Variants in CERS6 observed in about 807,000 individuals in gnomAD.
The protein encoded by CERS6 is ceramide synthase 6.
CERS6 carries 26 observed loss-of-function variants against 56.8 expected under a neutral mutation model. The ratio of observed to expected loss-of-function variants is 0.46; its 90% CI spans 0.34 to 0.63. The LOEUF (loss-of-function observed/expected upper bound fraction) is 0.63. CERS6 is among the 30% of genes least tolerant of loss of function. CERS6 has a pLI of 0.01. For missense variants in CERS6, 415 were observed against 467.5 expected, an observed-to-expected ratio of 0.89 and a Z score of 1.04; for synonymous variants, 164 against 173.3, an observed-to-expected ratio of 0.95 and a Z score of 0.42.
At chr2:168,534,543 C>T (rs1219502419) in intron 1 of CERS6, among the ~76,000 whole-genome samples, 1 of 151,936 alleles carries the variant, frequency 6.6e-6, no homozygotes, top group Non-Finnish European at 1.5e-5. Context: ...CTGGCTCGCT[C>T]CCGCGTCGGG....
intron 4 of CERS6, among the ~76,000 whole-genome samples, chr2:168,671,598 G>C (rs780919790): frequency 4.6e-5 from 7 of 152,140 alleles, no homozygotes; most frequent in African/African-American, 7.2e-5. Context: ...ATTACAATGA[G>C]TGGATTTATT....
At chr2:168,761,723 G>T (rs1348102222) in intron 8 of CERS6, among the ~76,000 whole-genome samples, 1 of 152,022 alleles carries the variant, frequency 6.6e-6, no homozygotes, top group Non-Finnish European at 1.5e-5. Context: ...AAAAGTGTAA[G>T]GTGTGTGAGT....
At chr2:168,768,289 G>A (rs539041612) in intron 9 of CERS6, among the ~76,000 whole-genome samples, 1 of 151,560 alleles carries the variant, frequency 6.6e-6, no homozygotes, top group East Asian at 2.0e-4. Context: ...GAGTGCAATG[G>A]CGCGATCTTG....
In CERS6 at chr2:168,560,867, T is replaced by C. The variant is rs192118121; in HGVS notation, c.277-325T>C. Among the ~76,000 whole-genome samples the C allele has an allele frequency of 3.1e-3, 471 of 152,316 alleles. 1 individual carries two copies. Among genetic ancestry groups the C allele is most frequent in the Non-Finnish European group, 4.7e-3 (319 of 68,026 alleles). On this transcript the variant is annotated intron_variant, in intron 2 of 9. Coordinates refer to ENST00000305747, the MANE Select transcript of CERS6 (RefSeq NM_203463.3). ...TGGACTCCCTTCCTTTGAAGGCTGA[T>C]GAGGCTGACTCAGTTTGTTGGATGT...
chr2:168,466,024 T>TA (rs1574000843), intron 1 of CERS6, among the ~76,000 whole-genome samples: 1 of 151,312 alleles, frequency 6.6e-6, no homozygotes, highest in East Asian at 1.9e-4. Flanking sequence ...TTTTTTTTTT[T>TA]AACTGCTTAA....
intron 1 of CERS6, among the ~76,000 whole-genome samples, chr2:168,505,417 A>T: frequency 6.6e-6 from 1 of 151,284 alleles, no homozygotes; most frequent in Non-Finnish European, 1.5e-5. Context: ...AAAAAGAAAT[A>T]TGAGCCTGAT....
At chr2:168,490,353 A>T (rs1694348143) in intron 1 of CERS6, among the ~76,000 whole-genome samples, 3 of 152,162 alleles carry the variant, frequency 2.0e-5, no homozygotes, top group Admixed American at 6.5e-5. Context: ...CTGGAGTATG[A>T]GTGGCTCAGG....
chr2:168,626,513 G>A (rs1049125208), intron 3 of CERS6, among the ~76,000 whole-genome samples: 3 of 152,164 alleles, frequency 2.0e-5, no homozygotes, highest in African/African-American at 7.2e-5. Context: ...TGTTGTGTAA[G>A]GACAATAAAC....
intron 1 of CERS6, among the ~76,000 whole-genome samples, chr2:168,537,531 A>G (rs1447426371): frequency 6.6e-6 from 1 of 152,210 alleles, no homozygotes; most frequent in African/African-American, 2.4e-5. Context: ...TTTTTATAAA[A>G]TAGCCTGCTT....
At chr2:168,692,615 G>C (rs1379712507) in intron 5 of CERS6, among the ~76,000 whole-genome samples, 1 of 152,174 alleles carries the variant, frequency 6.6e-6, no homozygotes, top group East Asian at 1.9e-4. Context: ...GATGCTATCT[G>C]TGGGGACTCA....
intron 3 of CERS6, among the ~76,000 whole-genome samples, chr2:168,607,907 A>G (rs1039780282): frequency 6.6e-6 from 1 of 152,230 alleles, no homozygotes; most frequent in Admixed American, 6.5e-5. Context: ...TGCTTCTATC[A>G]TGAAATATCT....
intron 8 of CERS6, among the ~76,000 whole-genome samples, chr2:168,721,771 A>G (rs555304903): frequency 6.6e-6 from 1 of 152,074 alleles, no homozygotes; most frequent in South Asian, 2.1e-4. Context: ...GGTATGTGCC[A>G]CAATACCCAG....
chr2:168,639,000 G>T (rs1392050910), intron 4 of CERS6, among the ~76,000 whole-genome samples: 2 of 151,760 alleles, frequency 1.3e-5, no homozygotes, highest in East Asian at 3.9e-4. Flanking sequence ...TATTTTTTCA[G>T]CTCACTTGAT....
intron 2 of CERS6, among the ~76,000 whole-genome samples, chr2:168,551,760 A>C (rs7579752): frequency 0.93 from 141,345 of 152,258 alleles, 66,044 homozygotes; most frequent in Non-Finnish European, 0.99. Flanking sequence ...GGGACCAAAA[A>C]TTCTACAATT....
At chr2:168,569,532 C>T (rs1454855395) in intron 3 of CERS6, among the ~76,000 whole-genome samples, 5 of 152,190 alleles carry the variant, frequency 3.3e-5, no homozygotes, top group African/African-American at 9.7e-5. Flanking sequence ...TGTGTGTGCG[C>T]GTGCACACGC....
At chr2:168,492,326 A>T (rs1302656641) in intron 1 of CERS6, among the ~76,000 whole-genome samples, 1 of 152,132 alleles carries the variant, frequency 6.6e-6, no homozygotes. Flanking sequence ...CTGGTGTGAG[A>T]TGGTATCTCA....
intron 1 of CERS6, among the ~76,000 whole-genome samples, chr2:168,500,897 T>G (rs1023195728): frequency 6.6e-6 from 1 of 152,232 alleles, no homozygotes; most frequent in African/African-American, 2.4e-5. Context: ...TTGGGATTTA[T>G]GGGGTTGCCA....
chr2:168,590,661 C>T (rs1264459323), intron 3 of CERS6, among the ~76,000 whole-genome samples: 2 of 152,038 alleles, frequency 1.3e-5, no homozygotes, highest in Non-Finnish European at 1.5e-5. Flanking sequence ...GGTCATGTTA[C>T]GTATACAATT....
rs766821494 is a variant in CERS6, at chr2:168,464,174, T to TTTTG, written c.170+7557_170+7558insTTGT. 6.4e-5 allele frequency among the ~76,000 whole-genome samples: 9 copies of TTTTG among 139,792 alleles called. No homozygotes were observed. In the South Asian group the frequency reaches 7.3e-4, roughly 11 times the overall value. 91.7% of individuals were successfully genotyped at this position (139,792 alleles called of 152,430 possible). On this transcript the variant is annotated intron_variant, in intron 1 of 9. Transcript: ENST00000305747. ...TTCTCTGGTCACATATTTATACTTT[T>TTTTG]TGTGTGTGTGTGTGTGTGTGTGTGT...
Sources: gnomAD v4.1 joint callset for allele counts (sites outside exome capture counted in the v4.1 genomes callset) on GRCh38, gnomAD v4.1.1 for gene constraint, MANE v1.5 for transcripts, NCBI Gene and HGNC (gene_info 2026-07-23, HGNC 2026-07-21) for gene names.